GSN: variants seen among roughly 807,000 people sequenced by gnomAD.
GSN encodes actin-depolymerizing factor.
A neutral mutation model predicts 85.7 loss-of-function variants in GSN; 56 were observed. The observed-to-expected ratio is 0.65, with a 90% CI of 0.53 to 0.82. The LOEUF (loss-of-function observed/expected upper bound fraction) is 0.82. Ranked by LOEUF, GSN falls within the 40% of genes least tolerant of loss-of-function variation. The probability of loss-of-function intolerance (pLI) is 0.00; values close to 1 mark genes in which losing one functional copy is unlikely to be tolerated. For missense variants in GSN, 857 were observed against 979.8 expected (o/e 0.87, Z 1.67); for synonymous variants, 373 against 399.1 (o/e 0.93, Z 0.78).
chr9:121,230,910 T>G (rs1329950149), intron 4 of GSN, among the ~76,000 whole-genome samples: 1 of 152,236 alleles, frequency 6.6e-6, no homozygotes, highest in Non-Finnish European at 1.5e-5. Flanking sequence ...ACTCCCACTC[T>G]CGTGAACTTC....
chr9:121,212,277 T>G (rs1588400794), intron 4 of GSN, among the ~76,000 whole-genome samples: 3 of 152,336 alleles, frequency 2.0e-5, no homozygotes, highest in South Asian at 4.1e-4. Flanking sequence ...AAATTCCAAC[T>G]CTGCAGTTTA....
chr9:121,305,834 C>A (rs1228877589), intron 4 of GSN, among the ~76,000 whole-genome samples: 1 of 152,200 alleles, frequency 6.6e-6, no homozygotes, highest in African/African-American at 2.4e-5. Context: ...CAGGTCCAGC[C>A]CAAGGTTCTC....
intron 10 of GSN, among the ~76,000 whole-genome samples, chr9:121,319,560 C>T (rs1277437453): frequency 6.6e-6 from 1 of 151,152 alleles, no homozygotes; most frequent in African/African-American, 2.4e-5. Context: ...TGGGCTCAAG[C>T]AATCCTCCTG....
chr9:121,220,866 A>C (rs1475822016), intron 4 of GSN, among the ~76,000 whole-genome samples: 1 of 152,212 alleles, frequency 6.6e-6, no homozygotes, highest in Non-Finnish European at 1.5e-5. Context: ...AATGAAGTTG[A>C]TTTTCTATTG....
chr9:121,299,057 A>T lies in GSN; in HGVS notation c.-9-2906A>T, dbSNP rs1473804757. On this transcript the variant is annotated intron_variant, in intron 2 of 17. Transcript: ENST00000432226. The surrounding 1 kb of genome is among the most constrained non-coding windows in gnomAD (Gnocchi z 4.2). ...CGGTAAACCCTGAACCATCAGCTAAAAGAGGTAGATAGCAGTGGTTGCCCC... is the reference window on the plus strand; with the variant it reads ...CGGTAAACCCTGAACCATCAGCTAATAGAGGTAGATAGCAGTGGTTGCCCC... 6.6e-6 allele frequency among the ~76,000 whole-genome samples: 1 copy of T among 152,240 alleles called. No individual in the cohort carries two copies. Among genetic ancestry groups the T allele is most frequent in the African/African-American group, 2.4e-5 (1 of 41,450 alleles).
intron 4 of GSN, among the ~76,000 whole-genome samples, chr9:121,218,919 AT>A (rs893525936): frequency 2.0e-5 from 3 of 152,162 alleles, no homozygotes; most frequent in African/African-American, 7.2e-5. Context: ...CACAAGTTTC[AT>A]TTTTCTTGTA....
chr9:121,297,885 GT>G (rs1226170694), intron 2 of GSN: 3 of 152,228 alleles, frequency 2.0e-5, no homozygotes, highest in Non-Finnish European at 1.5e-5. Context: ...TGCGTTGTGT[GT>G]TTTGAGTTTG....
Position 121,299,812 on chromosome 9 carries a change from G to T in GSN, c.-9-2151G>T. On this transcript the variant is annotated intron_variant, in intron 2 of 17. Coordinates refer to ENST00000432226, the MANE Select transcript of GSN (RefSeq NM_198252.3). The surrounding 1 kb of genome is among the most constrained non-coding windows in gnomAD (Gnocchi z 4.2). ...ATGGGCGGGCGGCTACTTAAGGTCG[G>T]CGACCCGAGGCCGCGGCTGCCGACT... 7.7e-7 allele frequency: 1 copy of T among 1,295,394 alleles called. No individual in the cohort carries two copies. The highest frequency in any genetic ancestry group is 1.9e-5 in the South Asian group (1 of 53,302). The allele number at this position is 1,295,394 out of a possible 1,614,324, so 80.2% of individuals were successfully genotyped here.
intron 7 of GSN, among the ~76,000 whole-genome samples, chr9:121,316,280 C>T (rs2061692791): frequency 6.6e-6 from 1 of 152,194 alleles, no homozygotes; most frequent in Non-Finnish European, 1.5e-5. Context: ...ATACCATTCA[C>T]TCAGCTTCTC....
At chr9:121,255,824 C>T (rs2054945732) in intron 6 of GSN, among the ~76,000 whole-genome samples, 1 of 152,150 alleles carries the variant, frequency 6.6e-6, no homozygotes, top group South Asian at 2.1e-4. Context: ...TTGAGTACAT[C>T]TGTAGGAAAA....
chr9:121,325,713 CTA>C (rs1265699905), intron 12 of GSN, among the ~76,000 whole-genome samples: 5 of 152,122 alleles, frequency 3.3e-5, no homozygotes, highest in African/African-American at 1.2e-4. Context: ...TGACCTTTGA[CTA>C]TGATAGACTG....
At chr9:121,219,902 C>T (rs2054136856) in intron 4 of GSN, among the ~76,000 whole-genome samples, 1 of 148,356 alleles carries the variant, frequency 6.7e-6, no homozygotes, top group Non-Finnish European at 1.5e-5. Context: ...TTTTTTGAGA[C>T]GAAGTTTTGC....
At chr9:121,327,149 G>C (rs2063302869) in intron 13 of GSN, 159 bp from the exon 14 acceptor site, 1 of 771,616 alleles carries the variant, frequency 1.3e-6, no homozygotes, top group Admixed American at 1.7e-5. Flanking sequence ...AGTCAACCAA[G>C]GCCATCAGGG....
rs1160095379 is a variant in GSN, at chr9:121,299,516, A to G, written c.-9-2447A>G. ...TTAGTTCATGTTATTTTTTTGCTGG[A>G]GGTGTTAGGTGCGGAGAGGCGAGGG... On this transcript the variant is annotated intron_variant, in intron 2 of 17. Transcript: ENST00000432226. This position sits in a 1 kb window ranked among gnomAD's most constrained non-coding sequence, Gnocchi z 4.2. 1.1e-5 allele frequency: 11 copies of G among 973,410 alleles called. No individual in the cohort carries two copies. The highest frequency in any genetic ancestry group is 1.1e-4 in the African/African-American group (6 of 57,102). The allele number at this position is 973,410 out of a possible 1,614,324, so 60.3% of individuals were successfully genotyped here.
intron 5 of GSN, 55 bp downstream of exon 5, chr9:121,310,900 A>C: frequency 2.6e-6 from 4 of 1,539,506 alleles, no homozygotes; most frequent in Non-Finnish European, 3.6e-6. Flanking sequence ...TGGTCTGATC[A>C]GGGACTTGGG....
At position 121,302,017 on chromosome 9, in the gene GSN, G is replaced by A; in HGVS notation, c.46G>A (p.Gly16Ser). The A allele has an allele frequency of 6.2e-7, 1 of 1,614,262 alleles. No homozygotes were observed. The highest frequency in any genetic ancestry group is 8.5e-7 in the Non-Finnish European group (1 of 1,180,032). ...PEFLKAGKEP[G>S]LQIWRVEKFD... ...GTTCCTCAAGGCAGGGAAGGAGCCT[G>A]GCCTGCAGATCTGGCGTGTGGAGAA... The change falls in exon 3 of 18, where the codon GGC (glycine) becomes AGC (serine). Residue 16 changes from glycine (G) to serine (S), a missense_variant. Physicochemically the swap from Gly to Ser is moderately conservative, Grantham distance 56. Coordinates refer to ENST00000432226, the MANE Select transcript of GSN (RefSeq NM_198252.3).
At chr9:121,298,665 G>A (rs1465401459) in intron 2 of GSN, among the ~76,000 whole-genome samples, 1 of 152,230 alleles carries the variant, frequency 6.6e-6, no homozygotes, top group South Asian at 2.1e-4. Flanking sequence ...CACAGTGGAG[G>A]TGGGAATGAA....
At chr9:121,269,574 A>G (rs1333030508) in intron 1 of GSN, among the ~76,000 whole-genome samples, 1 of 152,106 alleles carries the variant, frequency 6.6e-6, no homozygotes, top group Non-Finnish European at 1.5e-5. Context: ...GCTTGGAAAC[A>G]GAGGAGGAAG....
chr9:121,325,688 C>T (rs927369404), intron 12 of GSN, among the ~76,000 whole-genome samples: 3 of 152,114 alleles, frequency 2.0e-5, no homozygotes, highest in South Asian at 2.1e-4. Context: ...AGATTGGCAT[C>T]GGGGGTTCGT....
Sources: gnomAD v4.1 joint callset for allele counts (sites outside exome capture counted in the v4.1 genomes callset) on GRCh38, gnomAD v4.1.1 for gene constraint, Gnocchi (gnomAD v3.1) non-coding constraint, MANE v1.5 for transcripts, NCBI Gene and HGNC (gene_info 2026-07-23, HGNC 2026-07-21) for gene names.